TAFA2: variants seen among roughly 807,000 people sequenced by gnomAD.
TAFA2 encodes chemokine-like protein TAFA-2.
TAFA2 carries 7 observed loss-of-function variants against 18.8 expected under a neutral mutation model. The ratio of observed to expected loss-of-function variants is 0.37; its 90% confidence interval spans 0.21 to 0.70. The LOEUF is 0.70. TAFA2 is among the 30% of genes least tolerant of loss of function. TAFA2 has a pLI of 0.53. For missense variants in TAFA2, 122 were observed against 158.1 expected (o/e 0.77, Z 1.23); for synonymous variants, 60 against 54.2 (o/e 1.11, Z -0.47).
At chr12:61,969,948 C>A (rs142749303) in intron 1 of TAFA2, among the ~76,000 whole-genome samples, 39 of 151,608 alleles carry the variant, frequency 2.6e-4, no homozygotes, top group African/African-American at 8.9e-4. Context: ...AGTGAAGCTA[C>A]ATAGTCAGAG....
chr12:62,006,408 G>A (rs150490397), intron 1 of TAFA2, among the ~76,000 whole-genome samples: 10 of 152,142 alleles, frequency 6.6e-5, no homozygotes, highest in South Asian at 2.1e-4. Flanking sequence ...CTAAAGATCC[G>A]AAATAGAGTA....
At chr12:61,804,931 T>G (rs2093633232) in intron 2 of TAFA2, among the ~76,000 whole-genome samples, 1 of 151,960 alleles carries the variant, frequency 6.6e-6, no homozygotes, top group African/African-American at 2.4e-5. Flanking sequence ...ACCTATACCA[T>G]TTCTATAGTA....
At chr12:62,233,221 T>C (rs7138634) in intron 1 of TAFA2, among the ~76,000 whole-genome samples, 46,833 of 150,998 alleles carry the variant, frequency 0.31, 8,028 homozygotes, top group African/African-American at 0.47. Context: ...GGTGGGACTA[T>C]AGGTGTGTGC....
chr12:62,233,066 CTT>C (rs34781688), intron 1 of TAFA2, among the ~76,000 whole-genome samples: 341 of 39,432 alleles, frequency 8.6e-3, no homozygotes, highest in African/African-American at 0.024. Flanking sequence ...TTCTGCATCT[CTT>C]TTTTTTTTTT....
At chr12:62,213,267 C>T (rs2136974293) in intron 1 of TAFA2, among the ~76,000 whole-genome samples, 1 of 152,300 alleles carries the variant, frequency 6.6e-6, no homozygotes, top group Admixed American at 6.5e-5. Flanking sequence ...CCTAGGTGTA[C>T]TCTGTTTATG....
chr12:62,039,229 G>A (rs1265692879), intron 1 of TAFA2, among the ~76,000 whole-genome samples: 1 of 152,132 alleles, frequency 6.6e-6, no homozygotes, highest in Non-Finnish European at 1.5e-5. Context: ...ATTTGGTATG[G>A]TAAACTCTAT....
At chr12:61,846,537 A>G (rs1296802536) in intron 2 of TAFA2, among the ~76,000 whole-genome samples, 1 of 152,168 alleles carries the variant, frequency 6.6e-6, no homozygotes, top group Non-Finnish European at 1.5e-5. Context: ...GGAAACTTAT[A>G]CTCTGATAAA....
In TAFA2 at chr12:62,215,746, C is replaced by CTTGCTTAAGAGAAACAACTTGTTTCTCA. The variant is rs1417647952; in HGVS notation, c.-130+43016_-130+43017insTGAGAAACAAGTTGTTTCTCTTAAGCAA. 6.8e-3 allele frequency among the ~76,000 whole-genome samples: 488 copies of CTTGCTTAAGAGAAACAACTTGTTTCTCA among 72,244 alleles called. 1 individual carries two copies. The highest frequency in any genetic ancestry group is 0.022 in the East Asian group (50 of 2,234). 47.4% of individuals were successfully genotyped at this position (72,244 alleles called of 152,430 possible). A position where few individuals can be genotyped will look rare whatever the true frequency, so the allele number is the denominator to read the frequency against. ...TGCTTAAGAGAAACAACTTGTTTCT[C>CTTGCTTAAGAGAAACAACTTGTTTCTCA]AAAAAAAAAAAAAAAAAGAGATATG... On this transcript the variant is annotated intron_variant, in intron 1 of 5. Transcript: ENST00000551619.
chr12:61,878,202 A>G (rs1874953538), intron 1 of TAFA2: 6 of 423,942 alleles, frequency 1.4e-5, no homozygotes, highest in South Asian at 1.0e-4. Context: ...GTACAGGATG[A>G]CTTTTAAAAG....
chr12:62,034,319 A>G (rs893145561), intron 1 of TAFA2, among the ~76,000 whole-genome samples: 2 of 152,306 alleles, frequency 1.3e-5, no homozygotes, highest in East Asian at 3.9e-4. Flanking sequence ...CAGATAAACC[A>G]TAAGAATAGG....
chr12:61,980,624 T>C (rs1879598677), intron 1 of TAFA2, among the ~76,000 whole-genome samples: 1 of 152,158 alleles, frequency 6.6e-6, no homozygotes, highest in South Asian at 2.1e-4. Flanking sequence ...GGATACAAAA[T>C]CAATGTGCAA....
intron 2 of TAFA2, among the ~76,000 whole-genome samples, chr12:61,796,993 ACTCT>A (rs368164657): frequency 1.6e-4 from 24 of 152,118 alleles, no homozygotes; most frequent in African/African-American, 5.8e-4. Flanking sequence ...CTGTTACAAA[ACTCT>A]CTCAATCAGT....
intron 1 of TAFA2, among the ~76,000 whole-genome samples, chr12:62,041,970 T>C (rs984099514): frequency 6.6e-6 from 1 of 152,160 alleles, no homozygotes; most frequent in Non-Finnish European, 1.5e-5. Context: ...CTTTTTATTA[T>C]GAAATGCTTA....
chr12:61,951,697 C>T (rs1337042168), intron 1 of TAFA2, among the ~76,000 whole-genome samples: 1 of 151,958 alleles, frequency 6.6e-6, no homozygotes, highest in Middle Eastern at 3.4e-3. Context: ...TTTTCTTTCT[C>T]CGGATGACAC....
At chr12:61,963,078 G>T (rs1197951097) in intron 1 of TAFA2, among the ~76,000 whole-genome samples, 1 of 151,994 alleles carries the variant, frequency 6.6e-6, no homozygotes, top group Admixed American at 6.6e-5. Flanking sequence ...TGGCTGCATA[G>T]TATTCCATGG....
chr12:61,858,203 G>A (rs1873967388), intron 2 of TAFA2, among the ~76,000 whole-genome samples: 1 of 152,174 alleles, frequency 6.6e-6, no homozygotes, highest in Admixed American at 6.5e-5. Context: ...TGTAGGGGCA[G>A]GAACAGCTTT....
chr12:62,181,163 C>A (rs533970230), intron 1 of TAFA2, among the ~76,000 whole-genome samples: 2 of 152,080 alleles, frequency 1.3e-5, no homozygotes, highest in Non-Finnish European at 2.9e-5. Flanking sequence ...CTGAGTCTCT[C>A]TCTCACATAC....
At chr12:61,935,449 C>T (rs1181880810) in intron 1 of TAFA2, among the ~76,000 whole-genome samples, 1 of 152,128 alleles carries the variant, frequency 6.6e-6, no homozygotes, top group Non-Finnish European at 1.5e-5. Flanking sequence ...TTATAAACAT[C>T]TTACCAAGAG....
chr12:62,085,916 T>A (rs1006769285), intron 1 of TAFA2, among the ~76,000 whole-genome samples: 6 of 152,114 alleles, frequency 3.9e-5, no homozygotes, highest in African/African-American at 1.4e-4. Context: ...TGAGTTCTCA[T>A]GAGATCTGAT....
Sources: allele counts gnomAD v4.1 joint callset (sites outside exome capture counted in the v4.1 genomes callset), GRCh38; gene constraint gnomAD v4.1.1; transcripts MANE v1.5; gene names NCBI Gene and HGNC (gene_info 2026-07-23, HGNC 2026-07-21).